The following KDM4C variants were observed in gnomAD, a reference collection of about 807,000 sequenced individuals.
KDM4C encodes lysine demethylase 4C.
A neutral mutation model predicts 129.3 loss-of-function variants in KDM4C; 81 were observed. The ratio of observed to expected loss-of-function variants is 0.63; its 90% CI spans 0.52 to 0.75. KDM4C has a LOEUF of 0.75. Ranked by LOEUF, KDM4C falls within the 30% of genes least tolerant of loss-of-function variation. KDM4C has a pLI of 0.00. For synonymous variants in KDM4C, 573 were observed against 456.1 expected, an observed-to-expected ratio of 1.26 and a Z score of -3.26; for missense variants, 1,457 against 1,304.0, an observed-to-expected ratio of 1.12 and a Z score of -1.81.
intron 1 of KDM4C, among the ~76,000 whole-genome samples, chr9:6,763,549 T>G (rs751689916): frequency 1.3e-5 from 2 of 152,166 alleles, no homozygotes; most frequent in Non-Finnish European, 2.9e-5. Context: ...TGACAGTAGT[T>G]AGTAACTTCT....
intron 19 of KDM4C, among the ~76,000 whole-genome samples, chr9:7,145,803 C>T (rs746922137): frequency 6.6e-6 from 1 of 152,216 alleles, no homozygotes; most frequent in Non-Finnish European, 1.5e-5. Context: ...TAAGTCTTCT[C>T]AAATCCAAAC....
At chr9:7,043,237 T>C (rs904918465) in intron 15 of KDM4C, among the ~76,000 whole-genome samples, 1 of 152,074 alleles carries the variant, frequency 6.6e-6, no homozygotes, top group African/African-American at 2.4e-5. Context: ...ATTTTTATTC[T>C]TGATATCAAG....
chr9:7,028,909 G>A (rs1826257538), intron 15 of KDM4C, among the ~76,000 whole-genome samples: 1 of 150,092 alleles, frequency 6.7e-6, no homozygotes, highest in African/African-American at 2.5e-5. Context: ...CCGTTGCCAG[G>A]GGATAAGGGA....
chr9:6,992,836 C>CAACA (rs1461304309), intron 12 of KDM4C, among the ~76,000 whole-genome samples: 3 of 152,156 alleles, frequency 2.0e-5, no homozygotes, highest in Non-Finnish European at 4.4e-5. Flanking sequence ...CATCTTTAAA[C>CAACA]AACAATCAGT....
At chr9:7,113,720 A>C (rs1051564316) in intron 18 of KDM4C, among the ~76,000 whole-genome samples, 30 of 152,230 alleles carry the variant, frequency 2.0e-4, no homozygotes, top group African/African-American at 6.5e-4. Context: ...GCTAATGAAA[A>C]ATAATTTCTC....
chr9:6,973,783 C>T (rs1280474961), intron 8 of KDM4C: 1 of 152,174 alleles, frequency 6.6e-6, no homozygotes, highest in Non-Finnish European at 1.5e-5. Context: ...ATTATTTCCT[C>T]ATTAATATTT....
At chr9:6,863,264 T>G (rs1266087789) in intron 5 of KDM4C, among the ~76,000 whole-genome samples, 1 of 152,184 alleles carries the variant, frequency 6.6e-6, no homozygotes, top group Non-Finnish European at 1.5e-5. Flanking sequence ...GTTTTTGAGA[T>G]GTTTTTCTTT....
chr9:6,903,492 T>C (rs1050907040), intron 8 of KDM4C, among the ~76,000 whole-genome samples: 1 of 152,186 alleles, frequency 6.6e-6, no homozygotes, highest in Non-Finnish European at 1.5e-5. Flanking sequence ...AGGTGGGCAG[T>C]GTGCATCAGT....
intron 1 of KDM4C, among the ~76,000 whole-genome samples, chr9:6,777,340 TTGAG>T (rs1342934731): frequency 1.3e-5 from 2 of 152,236 alleles, no homozygotes; most frequent in African/African-American, 4.8e-5. Context: ...AAAGCTGCTT[TTGAG>T]TGAGTTTGTT....
chr9:7,072,378 T>TGC (rs1833323586), intron 17 of KDM4C, among the ~76,000 whole-genome samples: 1 of 152,166 alleles, frequency 6.6e-6, no homozygotes, highest in South Asian at 2.1e-4. Context: ...AACTCAGTGT[T>TGC]TTTCAACTGG....
At chr9:7,128,313 T>C in intron 19 of KDM4C, 77 bp downstream of exon 19, 3 of 1,260,844 alleles carry the variant, frequency 2.4e-6, no homozygotes, top group Non-Finnish European at 3.1e-6. Context: ...CCCTTCAGAA[T>C]TTTTCTTTTG....
At chr9:6,734,354 G>A (rs965710022) in intron 1 of KDM4C, among the ~76,000 whole-genome samples, 2 of 147,956 alleles carry the variant, frequency 1.4e-5, no homozygotes, top group African/African-American at 5.0e-5. Context: ...GAGTGCAATG[G>A]CGTGGTCTCA....
chr9:7,137,294 A>C (rs1489079212), intron 19 of KDM4C, among the ~76,000 whole-genome samples: 1 of 152,206 alleles, frequency 6.6e-6, no homozygotes, highest in Non-Finnish European at 1.5e-5. Context: ...TATCCATGAC[A>C]TCATATCTAA....
intron 1 of KDM4C, among the ~76,000 whole-genome samples, chr9:6,778,290 A>C (rs1823532434): frequency 6.7e-6 from 1 of 150,086 alleles, no homozygotes; most frequent in Non-Finnish European, 1.5e-5. Context: ...GGGTTTCACC[A>C]TGTTGGCCAG....
chr9:6,756,021 A>G (rs73639355), upstream of KDM4C, among the ~76,000 whole-genome samples: 1,030 of 152,336 alleles, frequency 6.8e-3, 10 homozygotes, highest in African/African-American at 0.024. Flanking sequence ...CTAATTCACA[A>G]TGGTAAAGAA....
chr9:6,757,567 T>C (rs1287780346), upstream of KDM4C: 3 of 941,784 alleles, frequency 3.2e-6, no homozygotes, highest in Non-Finnish European at 3.8e-6. Context: ...GCCCCGACTT[T>C]CTCGCCAGGC....
chr9:6,742,621 A>C (rs1246489198), intron 1 of KDM4C, among the ~76,000 whole-genome samples: 1 of 144,270 alleles, frequency 6.9e-6, no homozygotes, highest in Admixed American at 7.1e-5. Flanking sequence ...TGTCATGAAT[A>C]TCAGCCCTTT....
chr9:6,924,990 A>G (rs949972772), intron 8 of KDM4C: 3 of 985,270 alleles, frequency 3.0e-6, no homozygotes, highest in Admixed American at 1.2e-4. Context: ...GATGTTTTGT[A>G]TTAGTGAATC....
At chr9:7,086,627 T>G (rs1200073583) in intron 17 of KDM4C, among the ~76,000 whole-genome samples, 1 of 152,172 alleles carries the variant, frequency 6.6e-6, no homozygotes, top group African/African-American at 2.4e-5. Context: ...CTGGATTGCC[T>G]TGAGTGTGTT....
Sources: gnomAD v4.1 joint callset for allele counts (sites outside exome capture counted in the v4.1 genomes callset) on GRCh38, gnomAD v4.1.1 for gene constraint, MANE v1.5 for transcripts, NCBI Gene and HGNC (gene_info 2026-07-23, HGNC 2026-07-21) for gene names.